Variants in MAPK1IP1L observed in about 807,000 individuals in gnomAD.
The protein encoded by MAPK1IP1L is MAPK-interacting and spindle-stabilizing protein-like.
A neutral mutation model predicts 18.1 loss-of-function variants in MAPK1IP1L; 10 were observed. The observed-to-expected ratio is 0.55, with a 90% confidence interval of 0.34 to 0.94. The LOEUF is 0.94. Among genes scored for constraint, MAPK1IP1L ranks in the 40% least tolerant of loss-of-function variants. The probability of loss-of-function intolerance (pLI) is 0.02; values close to 1 mark genes in which losing one functional copy is unlikely to be tolerated. For synonymous variants in MAPK1IP1L, 115 were observed against 117.3 expected, an observed-to-expected ratio of 0.98 and a Z score of 0.13; for missense variants, 260 against 318.2, an observed-to-expected ratio of 0.82 and a Z score of 1.39.
Position 55,065,123 on chromosome 14 carries a change from A to C in MAPK1IP1L, c.*496A>C, listed in dbSNP as rs1403904898. On this transcript the variant is annotated 3_prime_UTR_variant, in exon 4 of 4. Transcript: ENST00000395468. ...CGGACAAATAAACCTGGTCCTCTTG[A>C]GGTTATATTTTGGATATACATTTTT... is the stretch of plus-strand genomic sequence containing the variant. The C allele has an allele frequency of 6.6e-6, 1 of 152,482 alleles. No homozygotes were observed. Among genetic ancestry groups the C allele is most frequent in the Non-Finnish European group, 1.5e-5 (1 of 68,232 alleles). The allele number at this position is 152,482 out of a possible 1,614,324, so 9.4% of individuals were successfully genotyped here.
chr14:55,051,731 C>A lies in MAPK1IP1L; in HGVS notation c.-77C>A, dbSNP rs1284608373. 1.9e-6 allele frequency: 1 copy of A among 516,216 alleles called. No individual in the cohort carries two copies. The highest frequency in any genetic ancestry group is 1.9e-5 in the Admixed American group (1 of 51,568). The allele number at this position is 516,216 out of a possible 1,614,324, so 32.0% of individuals were successfully genotyped here. On this transcript the variant is annotated 5_prime_UTR_variant, in exon 1 of 4. Coordinates refer to ENST00000395468, the MANE Select transcript of MAPK1IP1L (RefSeq NM_144578.4). The stretch of plus-strand genomic sequence containing the variant: ...CTAGCTGCCGTCAGTCAGGCTGCGC[C>A]CGCGTCTTCAGGGCCCAGTCCCTCG...
intron 1 of MAPK1IP1L, among the ~76,000 whole-genome samples, chr14:55,052,767 G>A (rs1432864445): frequency 6.6e-6 from 1 of 152,188 alleles, no homozygotes; most frequent in Non-Finnish European, 1.5e-5. Flanking sequence ...GCATCTCTGA[G>A]CCCACAATGC....
At chr14:55,064,546 GCCA>G (rs1178442391) in intron 3 of MAPK1IP1L, 67 bp from the exon 4 acceptor site, 9 of 1,355,760 alleles carry the variant, frequency 6.6e-6, no homozygotes, top group Non-Finnish European at 9.5e-6. Flanking sequence ...TTTACTTTAA[GCCA>G]CAGTAAGGAG....
chr14:55,055,846 CTT>C (rs1480230368), intron 1 of MAPK1IP1L, among the ~76,000 whole-genome samples: 1 of 152,178 alleles, frequency 6.6e-6, no homozygotes, highest in Non-Finnish European at 1.5e-5. Context: ...AGGAGAATCA[CTT>C]AAACCTGGGA....
At chr14:55,059,072 A>G (rs535174882) in intron 1 of MAPK1IP1L, among the ~76,000 whole-genome samples, 2 of 151,900 alleles carry the variant, frequency 1.3e-5, no homozygotes, top group Admixed American at 1.3e-4. Flanking sequence ...GAGGGACTAT[A>G]CTATACCTTG....
chr14:55,063,620 C>A (rs375453365), intron 3 of MAPK1IP1L, among the ~76,000 whole-genome samples: 1 of 152,230 alleles, frequency 6.6e-6, no homozygotes, highest in African/African-American at 2.4e-5. Flanking sequence ...AGATTCATTT[C>A]ATTGGGCTTT....
intron 3 of MAPK1IP1L, 150 bp downstream of exon 3, chr14:55,063,475 A>C: frequency 1.5e-6 from 1 of 680,968 alleles, no homozygotes. Flanking sequence ...TCAAACCTTC[A>C]GGTAAAGCAT....
intron 1 of MAPK1IP1L, among the ~76,000 whole-genome samples, chr14:55,058,329 G>C (rs191048389): frequency 7.6e-4 from 116 of 152,276 alleles, no homozygotes; most frequent in Non-Finnish European, 4.1e-4. Flanking sequence ...TCGAGGACCT[G>C]CTATAGACTA....
At chr14:55,056,537 GT>G (rs1216249018) in intron 1 of MAPK1IP1L, among the ~76,000 whole-genome samples, 1 of 152,088 alleles carries the variant, frequency 6.6e-6, no homozygotes, top group Non-Finnish European at 1.5e-5. Context: ...TTGAGACGGA[GT>G]TTGCACTGTC....
At chr14:55,057,843 A>G (rs2042783877) in intron 1 of MAPK1IP1L, among the ~76,000 whole-genome samples, 1 of 151,996 alleles carries the variant, frequency 6.6e-6, no homozygotes, top group South Asian at 2.1e-4. Flanking sequence ...CTAAGGTGGG[A>G]GGATCCACTT....
At chr14:55,059,225 G>GAAAAAAAAAAA (rs3078612) in intron 1 of MAPK1IP1L, among the ~76,000 whole-genome samples, 14 of 63,282 alleles carry the variant, frequency 2.2e-4, no homozygotes, top group South Asian at 6.3e-4. Context: ...AGGAAAATCT[G>GAAAAAAAAAAA]AAAAAAAAAA....
At position 55,063,332 on chromosome 14, in the gene MAPK1IP1L, G is replaced by A. The variant is rs2042835236; in HGVS notation, c.726+7G>A. On this transcript the variant is annotated splice_region_variant and intron_variant, in intron 3 of 3. Transcript: ENST00000395468. Reference sequence around the variant, plus strand: ...AATGCCTGGTGGCCCCCATGTGAGTGTTCAATTTGTTATTTAAAGTGTACT... The same window carrying A: ...AATGCCTGGTGGCCCCCATGTGAGTATTCAATTTGTTATTTAAAGTGTACT... 1 of 1,589,472 alleles carries A rather than the reference G, an allele frequency of 6.3e-7. No homozygotes were observed. Among genetic ancestry groups the A allele is most frequent in the South Asian group, 1.1e-5 (1 of 88,850 alleles).
chr14:55,065,037 C>T lies in MAPK1IP1L; in HGVS notation c.*410C>T. The stretch of plus-strand genomic sequence containing the variant: ...CACTTTCCCCTTCTAAATAAATAAA[C>T]TTCGAGAATAACCCATCATAATCCA... On this transcript the variant is annotated 3_prime_UTR_variant, in exon 4 of 4. Transcript: ENST00000395468. 6.3e-6 allele frequency: 1 copy of T among 158,442 alleles called. No homozygotes were observed. The highest frequency in any genetic ancestry group is 1.4e-5 in the Non-Finnish European group (1 of 72,312). 9.8% of individuals were successfully genotyped at this position (158,442 alleles called of 1,614,324 possible). A position where few individuals can be genotyped will look rare whatever the true frequency, so the allele number is the denominator to read the frequency against.
intron 3 of MAPK1IP1L, 41 bp downstream of exon 3, chr14:55,063,366 A>ACTT: frequency 6.7e-7 from 1 of 1,484,822 alleles, no homozygotes; most frequent in Non-Finnish European, 9.1e-7. Flanking sequence ...CTAATTGTAC[A>ACTT]TAGCACAACT....
chr14:55,066,511 T>C lies in MAPK1IP1L; in HGVS notation c.*1884T>C, dbSNP rs1411616463. ...AGGCAGGTAGCCTTGGCTTGAATTA[T>C]CAATATCAAAATGTCAGTTAACCAT... On this transcript the variant is annotated 3_prime_UTR_variant, in exon 4 of 4. Transcript: ENST00000395468. 6.6e-6 allele frequency: 1 copy of C among 152,244 alleles called. No homozygotes were observed. The highest frequency in any genetic ancestry group is 1.5e-5 in the Non-Finnish European group (1 of 68,050). 9.4% of individuals were successfully genotyped at this position (152,244 alleles called of 1,614,324 possible). A position where few individuals can be genotyped will look rare whatever the true frequency, so the allele number is the denominator to read the frequency against.
intron 1 of MAPK1IP1L, among the ~76,000 whole-genome samples, chr14:55,060,154 ATTTTTTTTTTTTTTTTTTTTT>A (rs71131248): frequency 4.7e-5 from 3 of 63,892 alleles, no homozygotes; most frequent in Admixed American, 2.8e-4. Flanking sequence ...TTTTGGAGAA[ATTTTTTTTTTTTTTTTTTTTT>A]TTTTTTTTTT....
At chr14:55,060,154 ATTTTTTTTTTTTTTTT>A (rs71131248) in intron 1 of MAPK1IP1L, among the ~76,000 whole-genome samples, 14 of 63,938 alleles carry the variant, frequency 2.2e-4, no homozygotes, top group African/African-American at 8.3e-4. Context: ...TTTTGGAGAA[ATTTTTTTTTTTTTTTT>A]TTTTTTTTTT....
In MAPK1IP1L at chr14:55,065,698, C is replaced by G. The variant is rs2042857299; in HGVS notation, c.*1071C>G. ...TAAGTCATGCAGACATGACTGTTCT[C>G]TTTGTACAAGTGTGAATCAAAATAT... On this transcript the variant is annotated 3_prime_UTR_variant, in exon 4 of 4. Coordinates refer to ENST00000395468, the MANE Select transcript of MAPK1IP1L (RefSeq NM_144578.4). 1.3e-5 allele frequency: 2 copies of G among 152,180 alleles called. No individual in the cohort carries two copies. The highest frequency in any genetic ancestry group is 2.4e-5 in the African/African-American group (1 of 41,438). The allele number at this position is 152,180 out of a possible 1,614,324, so 9.4% of individuals were successfully genotyped here. A position where few individuals can be genotyped will look rare whatever the true frequency, so the allele number is the denominator to read the frequency against.
chr14:55,062,533 T>C (rs972761042), intron 2 of MAPK1IP1L, 85 bp from the exon 3 acceptor site: 1 of 1,081,344 alleles, frequency 9.2e-7, no homozygotes, highest in African/African-American at 1.6e-5. Context: ...CCTGCCCCTA[T>C]AGGTTACTAT....
Sources: gnomAD v4.1 joint callset for allele counts (sites outside exome capture counted in the v4.1 genomes callset) on GRCh38, gnomAD v4.1.1 for gene constraint, MANE v1.5 for transcripts, NCBI Gene and HGNC (gene_info 2026-07-23, HGNC 2026-07-21) for gene names.